ENOX1: variants seen among roughly 807,000 people sequenced by gnomAD.
ENOX1 encodes the protein candidate growth-related and time keeping constitutive hydroquinone (NADH) oxidase.
Under a neutral mutation model 82.5 loss-of-function variants are expected in ENOX1, and 42 were observed. The observed-to-expected ratio is 0.51, with a 90% CI of 0.40 to 0.66. ENOX1 has a LOEUF of 0.66. ENOX1 is among the 30% of genes least tolerant of loss of function. ENOX1 has a pLI of 0.00. For synonymous variants in ENOX1, 271 were observed against 282.2 expected, an observed-to-expected ratio of 0.96 and a Z score of 0.40; for missense variants, 608 against 811.6, an observed-to-expected ratio of 0.75 and a Z score of 3.05.
rs553594759 is a variant in ENOX1 at position 43,382,593 on chromosome 13, C to T, written c.209-21141G>A. Among the ~76,000 whole-genome samples, 4 of 152,130 alleles carry T rather than the reference C, an allele frequency of 2.6e-5. No homozygotes were observed. The South Asian group carries it at 6.2e-4, about 24-fold the overall frequency. On this transcript the variant is annotated intron_variant, in intron 5 of 16. Coordinates refer to ENST00000690772, the MANE Select transcript of ENOX1 (RefSeq NM_001347969.2). ...AAAATAATTTGTAGAGACAGAAGATCAGTGGTTGTCTCAGGATGGGGATGA... is the reference window on the plus strand; with the variant it reads ...AAAATAATTTGTAGAGACAGAAGATTAGTGGTTGTCTCAGGATGGGGATGA...
chr13:43,555,045 CCTGT>C (rs1473973649), intron 2 of ENOX1, among the ~76,000 whole-genome samples: 4 of 152,142 alleles, frequency 2.6e-5, no homozygotes, highest in East Asian at 1.9e-4. Flanking sequence ...GCATTCTTAT[CCTGT>C]CTATCTAAGA....
chr13:43,301,894 A>T (rs1255342811), intron 11 of ENOX1, among the ~76,000 whole-genome samples: 1 of 152,184 alleles, frequency 6.6e-6, no homozygotes, highest in Non-Finnish European at 1.5e-5. Context: ...ACAGAAAAAA[A>T]ATCCTAATAA....
At chr13:43,634,483 A>G (rs1476268502) in intron 2 of ENOX1, among the ~76,000 whole-genome samples, 2 of 152,204 alleles carry the variant, frequency 1.3e-5, no homozygotes, top group Admixed American at 6.5e-5. Context: ...GATGCTGTCT[A>G]TGTAGATATT....
chr13:43,435,995 G>C (rs2056005846), intron 3 of ENOX1, among the ~76,000 whole-genome samples: 1 of 151,902 alleles, frequency 6.6e-6, no homozygotes, highest in African/African-American at 2.4e-5. Context: ...GGCAGCTCAG[G>C]CAGGAAATGG....
chr13:43,740,935 C>G (rs2089878382), intron 1 of ENOX1, among the ~76,000 whole-genome samples: 1 of 152,128 alleles, frequency 6.6e-6, no homozygotes. Flanking sequence ...ATGAATAGTG[C>G]TGCTATAAAC....
chr13:43,283,153 G>A (rs929230662), intron 12 of ENOX1, among the ~76,000 whole-genome samples: 3 of 151,774 alleles, frequency 2.0e-5, no homozygotes, highest in Admixed American at 2.0e-4. Flanking sequence ...GTTTTGATTA[G>A]TTATTTTTTC....
At chr13:43,457,760 T>C (rs2057296663) in intron 3 of ENOX1, among the ~76,000 whole-genome samples, 2 of 152,156 alleles carry the variant, frequency 1.3e-5, no homozygotes, top group Admixed American at 6.5e-5. Flanking sequence ...GTTTTATCAG[T>C]CAACAAAATG....
At chr13:43,407,704 C>G (rs2053881749) in intron 5 of ENOX1, among the ~76,000 whole-genome samples, 1 of 152,126 alleles carries the variant, frequency 6.6e-6, no homozygotes, top group South Asian at 2.1e-4. Flanking sequence ...AATTTATCTA[C>G]GTTTAACCCA....
chr13:43,263,777 T>C (rs1450678978), intron 14 of ENOX1, among the ~76,000 whole-genome samples: 5 of 152,216 alleles, frequency 3.3e-5, no homozygotes, highest in South Asian at 4.1e-4. Flanking sequence ...GTCTGGCTTA[T>C]TGGAACAGAC....
At chr13:43,629,146 G>A (rs2083096763) in intron 2 of ENOX1, among the ~76,000 whole-genome samples, 1 of 152,168 alleles carries the variant, frequency 6.6e-6, no homozygotes, top group South Asian at 2.1e-4. Context: ...TACCCCACAG[G>A]AGAATAGTTA....
chr13:43,617,271 G>C (rs2082523255), intron 2 of ENOX1, among the ~76,000 whole-genome samples: 2 of 152,162 alleles, frequency 1.3e-5, no homozygotes, highest in South Asian at 4.1e-4. Flanking sequence ...AAGCTGCTAT[G>C]GATATCCTTA....
intron 2 of ENOX1, among the ~76,000 whole-genome samples, chr13:43,637,443 G>A (rs1056623252): frequency 1.4e-4 from 21 of 152,072 alleles, no homozygotes; most frequent in African/African-American, 4.3e-4. Flanking sequence ...AAAAATTAAG[G>A]ATACTCAAAA....
chr13:43,529,062 T>C (rs1593650122), intron 2 of ENOX1, among the ~76,000 whole-genome samples: 1 of 152,002 alleles, frequency 6.6e-6, no homozygotes, highest in African/African-American at 2.4e-5. Context: ...TATTAGGTCA[T>C]TTAATCCTCA....
intron 1 of ENOX1, among the ~76,000 whole-genome samples, chr13:43,781,266 G>A (rs560809992): frequency 6.6e-6 from 1 of 152,224 alleles, no homozygotes; most frequent in Admixed American, 6.5e-5. Context: ...ACACAAAGAG[G>A]GAGAGATGAT....
chr13:43,559,844 G>A (rs940739819), intron 2 of ENOX1, among the ~76,000 whole-genome samples: 8 of 152,104 alleles, frequency 5.3e-5, no homozygotes, highest in Admixed American at 2.0e-4. Context: ...GTAACTTTTG[G>A]AAAAGACTAA....
chr13:43,533,347 T>G lies in ENOX1; in HGVS notation c.-218-49195A>C, dbSNP rs12430090. Reference sequence around the variant, plus strand: ...CCTTCTCAATATTTTGTGTCATTTTTCTAGGATTTCCACAGAAAAACACTG... The same window carrying G: ...CCTTCTCAATATTTTGTGTCATTTTGCTAGGATTTCCACAGAAAAACACTG... On this transcript the variant is annotated intron_variant, in intron 2 of 16. Transcript: ENST00000690772. 0.01 allele frequency among the ~76,000 whole-genome samples: 1,526 copies of G among 152,298 alleles called. 69 individuals carry two copies. The East Asian group carries it at 0.14, about 14-fold the overall frequency.
rs1474139392 is a variant in ENOX1 at position 43,593,485 on chromosome 13, AAAACAAAG to A, written c.-219+73986_-219+73993del. On this transcript the variant is annotated intron_variant, in intron 2 of 16. Coordinates refer to ENST00000690772, the MANE Select transcript of ENOX1 (RefSeq NM_001347969.2). The stretch of plus-strand genomic sequence containing the variant: ...CGAAACCCTTAAAACAAAACAAAAC[AAAACAAAG>A]AAGCCCTTCGAAGCTCACCTGAGAA... Among the ~76,000 whole-genome samples the A allele has an allele frequency of 5.5e-3, 44 of 7,952 alleles. No individual in the cohort carries two copies. In the Non-Finnish European group the frequency reaches 0.25, roughly 45 times the overall value. The allele number at this position is 7,952 out of a possible 152,430, so 5.2% of individuals were successfully genotyped here.
At chr13:43,341,394 T>C (rs2049050473) in intron 9 of ENOX1, among the ~76,000 whole-genome samples, 1 of 151,466 alleles carries the variant, frequency 6.6e-6, no homozygotes, top group African/African-American at 2.4e-5. Context: ...CCAAGACCTA[T>C]AGGATAAGAA....
At chr13:43,710,214 A>G (rs2087597124) in intron 1 of ENOX1, among the ~76,000 whole-genome samples, 1 of 152,176 alleles carries the variant, frequency 6.6e-6, no homozygotes, top group Non-Finnish European at 1.5e-5. Context: ...AAGATAACAA[A>G]GACATCAGGA....
Sources: gnomAD v4.1 joint callset for allele counts (sites outside exome capture counted in the v4.1 genomes callset) on GRCh38, gnomAD v4.1.1 for gene constraint, MANE v1.5 for transcripts, NCBI Gene and HGNC (gene_info 2026-07-23, HGNC 2026-07-21) for gene names.